The following LHPP variants were observed in gnomAD, a reference collection of about 807,000 sequenced individuals.
LHPP encodes the protein hLHPP.
LHPP carries 24 observed loss-of-function variants against 30.3 expected under a neutral mutation model. The observed-to-expected ratio is 0.79, with a 90% confidence interval of 0.57 to 1.11. The LOEUF (loss-of-function observed/expected upper bound fraction) is 1.11. Ranked by LOEUF, LHPP falls within the 50% of genes most tolerant of loss-of-function variation. The pLI is 0.00. For missense variants in LHPP, 356 were observed against 367.2 expected (o/e 0.97, Z 0.25); for synonymous variants, 150 against 157.1 (o/e 0.95, Z 0.34).
intron 6 of LHPP, among the ~76,000 whole-genome samples, chr10:124,546,525 C>T (rs979545380): frequency 2.6e-5 from 4 of 152,206 alleles, no homozygotes; most frequent in African/African-American, 9.7e-5. Context: ...GCCTCACCCT[C>T]CCGAGTAGCT....
At chr10:124,472,907 G>A (rs190654894) in intron 1 of LHPP, among the ~76,000 whole-genome samples, 23 of 152,220 alleles carry the variant, frequency 1.5e-4, no homozygotes, top group African/African-American at 5.3e-4. Context: ...AACCACCCCC[G>A]TATATCTGGG....
chr10:124,513,843 G>A (rs1199028617), intron 5 of LHPP, among the ~76,000 whole-genome samples: 1 of 151,324 alleles, frequency 6.6e-6, no homozygotes, highest in African/African-American at 2.4e-5. Context: ...TGTTAATGTG[G>A]CAAAAGGAGA....
chr10:124,500,930 A>C (rs1953879424), intron 5 of LHPP, among the ~76,000 whole-genome samples: 1 of 152,000 alleles, frequency 6.6e-6, no homozygotes, highest in Admixed American at 6.6e-5. Context: ...CACGTGTTCA[A>C]ACAAAAACTT....
intron 6 of LHPP, among the ~76,000 whole-genome samples, chr10:124,577,467 A>G (rs1406452001): frequency 6.6e-6 from 1 of 152,252 alleles, no homozygotes; most frequent in Non-Finnish European, 1.5e-5. Flanking sequence ...GAGACTCTCC[A>G]GAGGACACAC....
Position 124,502,024 on chromosome 10 carries a change from A to G in LHPP, c.624+3896A>G, listed in dbSNP as rs143841723. ...CATCACTGTGCTTTAATAATTATCA[A>G]CTAATAACCACTTTAAAATTGTTTT... On this transcript the variant is annotated intron_variant, in intron 5 of 6. Transcript: ENST00000368842. Among the ~76,000 whole-genome samples the G allele has an allele frequency of 1.6e-4, 24 of 152,102 alleles. No individual in the cohort carries two copies. The East Asian group carries it at 4.0e-3, about 26-fold the overall frequency.
intron 6 of LHPP, among the ~76,000 whole-genome samples, chr10:124,547,715 T>C (rs938303157): frequency 6.7e-6 from 1 of 150,124 alleles, no homozygotes; most frequent in Non-Finnish European, 1.5e-5. Context: ...GGAGGGCTGC[T>C]CAGGCTGGAC....
chr10:124,474,574 G>T (rs148783903), intron 1 of LHPP, among the ~76,000 whole-genome samples: 2 of 152,240 alleles, frequency 1.3e-5, no homozygotes, highest in East Asian at 3.9e-4. Flanking sequence ...TCCCAGTTCT[G>T]TCCCTAGACA....
At position 124,488,402 on chromosome 10, in the gene LHPP, G is replaced by GTCTC. The variant is rs761160752; in HGVS notation, c.314-10_314-7dup. The GTCTC allele has an allele frequency of 6.2e-7, 1 of 1,609,492 alleles. No homozygotes were observed. The highest frequency in any genetic ancestry group is 8.5e-7 in the Non-Finnish European group (1 of 1,177,066). On this transcript the variant is annotated intron_variant, in intron 2 of 6. Coordinates refer to ENST00000368842, the MANE Select transcript of LHPP (RefSeq NM_022126.4). ...TCCTCCCAGGGCTCCGTGGCACTCT[G>GTCTC]TCTCTCTCTCTCTTTCCAGGAGTCC...
rs1178929159 is a variant in LHPP at position 124,506,968 on chromosome 10, GT to G, written c.624+8841del. Among the ~76,000 whole-genome samples, 9 of 36,158 alleles carry G rather than the reference GT, an allele frequency of 2.5e-4. 2 individuals are homozygous for G. The highest frequency in any genetic ancestry group is 6.4e-4 in the African/African-American group (7 of 10,878). The allele number at this position is 36,158 out of a possible 152,430, so 23.7% of individuals were successfully genotyped here. ...GGTAGGGAGGATTTCAGGTGGGCGG[GT>G]AGACAGGATTTCAGGTGAGGGGGGT... On this transcript the variant is annotated intron_variant, in intron 5 of 6. Coordinates refer to ENST00000368842, the MANE Select transcript of LHPP (RefSeq NM_022126.4).
At chr10:124,470,938 A>G (rs1952714368) in intron 1 of LHPP, among the ~76,000 whole-genome samples, 1 of 152,138 alleles carries the variant, frequency 6.6e-6, no homozygotes, top group African/African-American at 2.4e-5. Flanking sequence ...CTTTGTCTTC[A>G]GAGATGGGAG....
intron 6 of LHPP, among the ~76,000 whole-genome samples, chr10:124,561,406 T>G (rs1948392545): frequency 6.6e-6 from 1 of 151,994 alleles, no homozygotes; most frequent in South Asian, 2.1e-4. Flanking sequence ...GGAGACCACA[T>G]GGTAAGCCTG....
intron 6 of LHPP, among the ~76,000 whole-genome samples, chr10:124,548,684 G>A (rs989742695): frequency 6.6e-6 from 1 of 152,230 alleles, no homozygotes. Flanking sequence ...GGGATCAAGA[G>A]TCCTGTTAGA....
intron 6 of LHPP, among the ~76,000 whole-genome samples, chr10:124,611,629 G>T (rs1003868618): frequency 6.6e-6 from 1 of 151,960 alleles, no homozygotes; most frequent in Non-Finnish European, 1.5e-5. Context: ...TGCCCCTGTG[G>T]CCCCCGTCCA....
intron 6 of LHPP, among the ~76,000 whole-genome samples, chr10:124,574,550 T>C (rs4962656): frequency 0.5 from 75,632 of 152,046 alleles, 20,568 homozygotes; most frequent in African/African-American, 0.7. Flanking sequence ...CCAGGGCCGA[T>C]CTGAACCCGG....
At chr10:124,515,000 C>T (rs149406797) in intron 5 of LHPP, among the ~76,000 whole-genome samples, 96 of 152,022 alleles carry the variant, frequency 6.3e-4, no homozygotes, top group African/African-American at 1.9e-3. Flanking sequence ...CAGGGTCTTG[C>T]GGTGTTGCCT....
chr10:124,610,354 T>TGCTGATGGA (rs1949157797), intron 6 of LHPP, among the ~76,000 whole-genome samples: 2 of 85,784 alleles, frequency 2.3e-5, no homozygotes, highest in African/African-American at 9.6e-5. Flanking sequence ...CGGGTGAGGG[T>TGCTGATGGA]GCGGGTGAGG....
Position 124,578,404 on chromosome 10 carries a change from C to T in LHPP, c.717-34860C>T, listed in dbSNP as rs199605913. Among the ~76,000 whole-genome samples, 9 of 152,350 alleles carry T rather than the reference C, an allele frequency of 5.9e-5. No homozygotes were observed. The East Asian group carries it at 9.6e-4, about 16-fold the overall frequency. On this transcript the variant is annotated intron_variant, in intron 6 of 6. Coordinates refer to ENST00000368842, the MANE Select transcript of LHPP (RefSeq NM_022126.4). ...GAGCCCGATGTGTCACTGGCCCTCA[C>T]GTGTCCTTCTCCGATCTGCTCACTC...
At chr10:124,556,414 C>T (rs1948301294) in intron 6 of LHPP, among the ~76,000 whole-genome samples, 1 of 152,230 alleles carries the variant, frequency 6.6e-6, no homozygotes, top group African/African-American at 2.4e-5. Flanking sequence ...CCTAAACAGT[C>T]CCTTAGTATT....
chr10:124,519,994 G>A (rs541516485), intron 6 of LHPP, among the ~76,000 whole-genome samples: 26 of 152,032 alleles, frequency 1.7e-4, no homozygotes, highest in African/African-American at 5.1e-4. Flanking sequence ...CACCACGCCC[G>A]GCTAATTTTT....
Sources: gnomAD v4.1 joint callset for allele counts (sites outside exome capture counted in the v4.1 genomes callset) on GRCh38, gnomAD v4.1.1 for gene constraint, MANE v1.5 for transcripts, NCBI Gene and HGNC (gene_info 2026-07-23, HGNC 2026-07-21) for gene names.